Variants in ADGRL3 observed in about 807,000 individuals in gnomAD.
ADGRL3 encodes the protein calcium-independent alpha-latrotoxin receptor 3.
ADGRL3 carries 62 observed loss-of-function variants against 153.5 expected under a neutral mutation model. The ratio of observed to expected loss-of-function variants is 0.40; its 90% CI spans 0.33 to 0.50. The LOEUF is 0.50. Ranked by LOEUF, ADGRL3 falls within the 20% of genes least tolerant of loss-of-function variation. ADGRL3 has a pLI of 0.47. For synonymous variants in ADGRL3, 710 were observed against 672.5 expected (o/e 1.06, Z -0.86); for missense variants, 1,641 against 1,859.4 (o/e 0.88, Z 2.16).
intron 9 of ADGRL3, among the ~76,000 whole-genome samples, chr4:61,843,622 G>GA (rs1402739415): frequency 9.2e-5 from 14 of 151,786 alleles, no homozygotes; most frequent in Non-Finnish European, 1.9e-4. Context: ...CCTCGAAAGA[G>GA]AAAAAAAATT....
At chr4:61,977,205 T>G (rs931557001) in intron 17 of ADGRL3, among the ~76,000 whole-genome samples, 25 of 151,836 alleles carry the variant, frequency 1.6e-4, no homozygotes, top group African/African-American at 6.1e-4. Context: ...TTTCTTTTCT[T>G]TTTTTCTTGT....
At chr4:61,968,599 C>T (rs1008472319) in intron 17 of ADGRL3, among the ~76,000 whole-genome samples, 1 of 152,180 alleles carries the variant, frequency 6.6e-6, no homozygotes, top group Non-Finnish European at 1.5e-5. Flanking sequence ...AAGCACATAT[C>T]TTCTCCCATT....
chr4:61,725,582 G>A (rs188082970), intron 6 of ADGRL3, among the ~76,000 whole-genome samples: 17 of 139,380 alleles, frequency 1.2e-4, no homozygotes, highest in African/African-American at 4.3e-4. Flanking sequence ...GCAACAGAGC[G>A]AGACTTCATC....
chr4:61,812,060 A>G (rs929978410), intron 8 of ADGRL3, among the ~76,000 whole-genome samples: 7 of 152,232 alleles, frequency 4.6e-5, no homozygotes, highest in Non-Finnish European at 8.8e-5. Context: ...GTAATGACAC[A>G]GGGCCTTAAA....
chr4:61,299,582 T>G (rs2150321397), intron 1 of ADGRL3, among the ~76,000 whole-genome samples: 1 of 152,332 alleles, frequency 6.6e-6, no homozygotes, highest in South Asian at 2.1e-4. Context: ...TGAAAAGATC[T>G]GTTTTACTTT....
chr4:61,226,973 T>G (rs146992854), intron 1 of ADGRL3, among the ~76,000 whole-genome samples: 7 of 152,336 alleles, frequency 4.6e-5, no homozygotes, highest in African/African-American at 1.7e-4. Context: ...TAATCTCTTT[T>G]AGATATTTAG....
chr4:61,652,865 G>C (rs1429611429), intron 5 of ADGRL3, among the ~76,000 whole-genome samples: 1 of 152,058 alleles, frequency 6.6e-6, no homozygotes, highest in Non-Finnish European at 1.5e-5. Flanking sequence ...AAATACTAAT[G>C]ATATGGAAGT....
At chr4:61,909,470 A>G (rs2149809995) in intron 11 of ADGRL3, 90 bp from the exon 12 acceptor site, 1 of 837,068 alleles carries the variant, frequency 1.2e-6, no homozygotes, top group Non-Finnish European at 1.8e-6. Context: ...ATCGATGATT[A>G]CAATTACATG....
intron 2 of ADGRL3, among the ~76,000 whole-genome samples, chr4:61,428,882 ATC>A (rs1578804475): frequency 0.02 from 1,828 of 92,632 alleles, 13 homozygotes; most frequent in Middle Eastern, 0.06. Context: ...TATATCATCT[ATC>A]TATCTATATC....
At chr4:61,796,614 T>C (rs1243299453) in intron 8 of ADGRL3, among the ~76,000 whole-genome samples, 1 of 152,184 alleles carries the variant, frequency 6.6e-6, no homozygotes, top group African/African-American at 2.4e-5. Context: ...GTTCTAATAA[T>C]AACACATGAT....
chr4:61,480,457 A>T (rs2098119917), intron 2 of ADGRL3, among the ~76,000 whole-genome samples: 1 of 152,146 alleles, frequency 6.6e-6, no homozygotes, highest in African/African-American at 2.4e-5. Context: ...AGGAACTCTT[A>T]AAATTCCATA....
intron 2 of ADGRL3, among the ~76,000 whole-genome samples, chr4:61,392,732 A>C (rs1456673713): frequency 6.7e-6 from 1 of 149,856 alleles, no homozygotes; most frequent in Admixed American, 6.7e-5. Flanking sequence ...AGAAAGAGAG[A>C]AAAGAGTCTC....
At chr4:61,400,634 G>A (rs1450554060) in intron 2 of ADGRL3, among the ~76,000 whole-genome samples, 1 of 151,698 alleles carries the variant, frequency 6.6e-6, no homozygotes, top group Non-Finnish European at 1.5e-5. Flanking sequence ...GTGGAAATGG[G>A]GAAAACTATC....
intron 1 of ADGRL3, among the ~76,000 whole-genome samples, chr4:61,381,197 C>A (rs895936092): frequency 7.9e-5 from 12 of 151,434 alleles, no homozygotes; most frequent in Admixed American, 2.6e-4. Context: ...ATAAAGGTAG[C>A]TATACAAAGA....
intron 21 of ADGRL3, among the ~76,000 whole-genome samples, chr4:62,026,573 C>T (rs2151447552): frequency 6.6e-6 from 1 of 152,070 alleles, no homozygotes; most frequent in Admixed American, 6.6e-5. Flanking sequence ...AATATGTCAC[C>T]TCACCATTGC....
At chr4:61,509,433 C>G (rs2098450714) in intron 3 of ADGRL3, among the ~76,000 whole-genome samples, 1 of 152,004 alleles carries the variant, frequency 6.6e-6, no homozygotes, top group South Asian at 2.1e-4. Context: ...TGGCACATAT[C>G]ACATCTTAAT....
At chr4:61,962,481 CTTCTT>C (rs947673997) in intron 17 of ADGRL3, among the ~76,000 whole-genome samples, 71 of 151,676 alleles carry the variant, frequency 4.7e-4, no homozygotes, top group African/African-American at 1.7e-3. Flanking sequence ...TGTTGCTAAT[CTTCTT>C]TTATGTATTT....
At chr4:61,229,485 A>T (rs1429541132) in intron 1 of ADGRL3, among the ~76,000 whole-genome samples, 1 of 151,268 alleles carries the variant, frequency 6.6e-6, no homozygotes, top group Non-Finnish European at 1.5e-5. Flanking sequence ...ATTTTAACGT[A>T]GTATACATCA....
intron 5 of ADGRL3, among the ~76,000 whole-genome samples, chr4:61,634,400 A>T (rs1229143148): frequency 6.6e-6 from 1 of 151,998 alleles, no homozygotes; most frequent in Non-Finnish European, 1.5e-5. Flanking sequence ...GTTACTGAAG[A>T]CTCATTTTTC....
Sources: allele counts gnomAD v4.1 joint callset (sites outside exome capture counted in the v4.1 genomes callset), GRCh38; gene constraint gnomAD v4.1.1; transcripts MANE v1.5; gene names NCBI Gene and HGNC (gene_info 2026-07-23, HGNC 2026-07-21).